Variants in INTS1 observed in about 807,000 individuals in gnomAD.
INTS1 encodes the protein integrator complex subunit 1.
Under a neutral mutation model 241.6 loss-of-function variants are expected in INTS1, and 137 were observed. The observed-to-expected ratio is 0.57, with a 90% CI of 0.49 to 0.65. The LOEUF (loss-of-function observed/expected upper bound fraction) is 0.65. INTS1 is among the 30% of genes least tolerant of loss of function. The probability of loss-of-function intolerance (pLI) is 0.00; values close to 1 mark genes in which losing one functional copy is unlikely to be tolerated. For synonymous variants in INTS1, 1,692 were observed against 1,337.8 expected (o/e 1.26, Z -5.78); for missense variants, 3,073 against 3,032.2 (o/e 1.01, Z -0.32).
At position 1,479,636 on chromosome 7, in the gene INTS1, G is replaced by C. The variant is rs1412274847; in HGVS notation, c.4123C>G (p.Pro1375Ala). ...GCCTGCTGCAGGGCGAGGGCCACGG[G>C]GCGGGGACTGGAGCTCTGCCACCGA... ...DPRWQSSSPR[P>A]VALALQQALG... The change falls in exon 31 of 48, where the codon CCC becomes GCC. Residue 1375 changes from proline to alanine, a missense_variant. Pro to Ala is a conservative substitution (Grantham distance 27). Transcript: ENST00000404767. The C allele has an allele frequency of 6.6e-7, 1 of 1,510,900 alleles. No individual in the cohort carries two copies. Among genetic ancestry groups the C allele is most frequent in the Admixed American group, 2.2e-5 (1 of 46,416 alleles). The allele number at this position is 1,510,900 out of a possible 1,614,324, so 93.6% of individuals were successfully genotyped here.
intron 16 of INTS1, among the ~76,000 whole-genome samples, chr7:1,492,207 G>A (rs1415062470): frequency 6.6e-6 from 1 of 152,226 alleles, no homozygotes; most frequent in African/African-American, 2.4e-5. Context: ...CCGTCAGCAG[G>A]GGAGCGGAAG....
At chr7:1,474,447 G>A in intron 40 of INTS1, 87 bp from the exon 41 acceptor site, 1 of 1,386,024 alleles carries the variant, frequency 7.2e-7, no homozygotes, top group Non-Finnish European at 9.5e-7. Flanking sequence ...CCTGCCCCGG[G>A]AGCCAGACCC....
intron 38 of INTS1, 55 bp from the exon 39 acceptor site, chr7:1,476,126 G>A (rs1402787245): frequency 2.8e-5 from 43 of 1,527,060 alleles, no homozygotes; most frequent in Non-Finnish European, 3.7e-5. Context: ...TGACAGGGGT[G>A]GGTGGACGGG....
rs775659788 is a variant in INTS1, at chr7:1,482,598, G to A, written c.3651C>T (p.Asp1217=). 2 of 1,612,764 alleles carry A rather than the reference G, an allele frequency of 1.2e-6. No individual in the cohort carries two copies. Among genetic ancestry groups the A allele is most frequent in the African/African-American group, 1.3e-5 (1 of 74,958 alleles). The stretch of plus-strand genomic sequence containing the variant: ...AACGGATCATGCGCAGCTTCAGCCA[G>A]TCAGGAAGCAGCAGCGCCTCCTCCG... ...DTSEEALLLP[D]WLKLRMIRSE... Residue 1217 remains aspartate, a synonymous_variant, in exon 27 of 48, where the codon GAC becomes GAT. Coordinates refer to ENST00000404767, the MANE Select transcript of INTS1 (RefSeq NM_001080453.3).
intron 43 of INTS1, 148 bp from the exon 44 acceptor site, chr7:1,472,534 A>G (rs550948094): frequency 6.7e-6 from 4 of 595,886 alleles, no homozygotes; most frequent in Non-Finnish European, 1.2e-5. Context: ...AATGGGGTGG[A>G]GCCAGGAGCC....
rs1562481789 is a variant in INTS1 at position 1,471,226 on chromosome 7, T to C, written c.6256-2A>G. The C allele has an allele frequency of 6.4e-7, 1 of 1,573,866 alleles. No individual in the cohort carries two copies. Among genetic ancestry groups the C allele is most frequent in the Non-Finnish European group, 8.6e-7 (1 of 1,161,014 alleles). On this transcript the variant is annotated splice_acceptor_variant, in intron 45 of 47. Coordinates refer to ENST00000404767, the MANE Select transcript of INTS1 (RefSeq NM_001080453.3). LOFTEE classifies it high-confidence loss of function. ...GCTCATCAGCCGCTGCAGGTTGGTC[T>C]GACCGGGGGAAAGGTGGGAGGTGTG...
chr7:1,502,837 C>G, intron 3 of INTS1, 64 bp downstream of exon 3: 3 of 1,577,338 alleles, frequency 1.9e-6, no homozygotes, highest in Non-Finnish European at 1.7e-6. Context: ...GGGGCCTTCC[C>G]TGAACACCTG....
At chr7:1,483,560 G>A (rs1480683514) in intron 26 of INTS1, 182 bp downstream of exon 26, 4 of 644,080 alleles carry the variant, frequency 6.2e-6, no homozygotes, top group Non-Finnish European at 1.1e-5. Context: ...TCCACCAAGT[G>A]CTCAGAGACA....
At chr7:1,501,430 A>G (rs985697251) in intron 3 of INTS1, among the ~76,000 whole-genome samples, 80 of 152,226 alleles carry the variant, frequency 5.3e-4, no homozygotes, top group African/African-American at 1.9e-3. Context: ...AAGCTGGGGG[A>G]CAAGTGGGCT....
In INTS1 at chr7:1,485,156, A is replaced by T. The variant is rs1191713645; in HGVS notation, c.3203T>A (p.Ile1068Asn). Residue 1068 changes from isoleucine to asparagine, a missense_variant, in exon 24 of 48, where the codon ATC becomes AAC. Physicochemically the swap from Ile to Asn is moderately radical, Grantham distance 149. Coordinates refer to ENST00000404767, the MANE Select transcript of INTS1 (RefSeq NM_001080453.3). ...TDPQTISAYL[I>N]YLSQHTPVEE... Reference sequence around the variant, plus strand: ...CACAGGCGTGTGCTGGGACAAGTAGATCAGGTAGGCGCTGATGGTCTGGGG... The same window carrying T: ...CACAGGCGTGTGCTGGGACAAGTAGTTCAGGTAGGCGCTGATGGTCTGGGG... 6.2e-7 allele frequency: 1 copy of T among 1,601,012 alleles called. No homozygotes were observed. Among genetic ancestry groups the T allele is most frequent in the South Asian group, 1.1e-5 (1 of 91,064 alleles).
chr7:1,489,398 G>A lies in INTS1; in HGVS notation c.2264C>T (p.Ala755Val). ...CAGGGTCGGGTACTCCTCCCACGCA[G>A]CCAGGCCTAGGGAACCGGAGGGTGT... ...AAFNPENIGLAAWEEYPTLKM... is the reference protein window; with the variant it reads ...AAFNPENIGLVAWEEYPTLKM... Residue 755 changes from alanine to valine, a missense_variant, in exon 18 of 48, where the codon GCT becomes GTT. Coordinates refer to ENST00000404767, the MANE Select transcript of INTS1 (RefSeq NM_001080453.3). 1.2e-6 allele frequency: 2 copies of A among 1,607,880 alleles called. No individual in the cohort carries two copies. The highest frequency in any genetic ancestry group is 1.3e-5 in the African/African-American group (1 of 74,992).
At chr7:1,474,988 G>A (rs974857022) in intron 39 of INTS1, 150 bp from the exon 40 acceptor site, 72 of 1,036,204 alleles carry the variant, frequency 6.9e-5, no homozygotes, top group Admixed American at 2.0e-4. Context: ...TGAGCACCTC[G>A]GGAGGGCAGG....
intron 31 of INTS1, 65 bp downstream of exon 31, chr7:1,479,365 G>A (rs1781883219): frequency 2.0e-6 from 3 of 1,509,818 alleles, no homozygotes; most frequent in East Asian, 5.0e-5. Flanking sequence ...GGACACCCGG[G>A]CCGTCCTGCG....
rs1181648774 is a variant in INTS1 at position 1,476,641 on chromosome 7, A to G, written c.5080T>C (p.Ser1694Pro). The change falls in exon 37 of 48, where the codon TCT becomes CCT. Residue 1694 changes from serine to proline, a missense_variant. Ser to Pro is a moderately conservative substitution (Grantham distance 74). Transcript: ENST00000404767. ...SREQRFDPSA[S>P]LDFLWACIHV... Reference sequence around the variant, plus strand: ...ATGCAGGCCCAGAGGAAGTCCAGAGAGGCAGAGGGGTCGAACCTGTGGGGA... The same window carrying G: ...ATGCAGGCCCAGAGGAAGTCCAGAGGGGCAGAGGGGTCGAACCTGTGGGGA... 22 of 1,612,560 alleles carry G rather than the reference A, an allele frequency of 1.4e-5. No individual in the cohort carries two copies. The highest frequency in any genetic ancestry group is 1.9e-5 in the Non-Finnish European group (22 of 1,179,890).
chr7:1,500,058 T>C, intron 4 of INTS1, 37 bp from the exon 5 acceptor site: 1 of 1,548,624 alleles, frequency 6.5e-7, no homozygotes, highest in Non-Finnish European at 8.8e-7. Flanking sequence ...GGAGCTTCGC[T>C]GGCCCCAGAG....
At chr7:1,489,274 A>G (rs1782430650) in intron 18 of INTS1, 70 bp downstream of exon 18, 3 of 1,421,798 alleles carry the variant, frequency 2.1e-6, no homozygotes, top group South Asian at 1.3e-5. Flanking sequence ...AGCAGGGAAC[A>G]CAGCCCCAGC....
At chr7:1,494,167 C>T (rs1158282887) in intron 14 of INTS1, among the ~76,000 whole-genome samples, 1 of 152,232 alleles carries the variant, frequency 6.6e-6, no homozygotes, top group Non-Finnish European at 1.5e-5. Flanking sequence ...CACACAGTCA[C>T]TGGTTCCTAC....
chr7:1,476,928 G>A lies in INTS1; in HGVS notation c.4939-10C>T. ...GGGCCTGACCTTTGCCCTGGGGAGG[G>A]AGGAAGAAGCCCGGATGGCCTCACC... On this transcript the variant is annotated splice_polypyrimidine_tract_variant and intron_variant, in intron 35 of 47. Coordinates refer to ENST00000404767, the MANE Select transcript of INTS1 (RefSeq NM_001080453.3). 2 of 1,607,672 alleles carry A rather than the reference G, an allele frequency of 1.2e-6. No homozygotes were observed. The highest frequency in any genetic ancestry group is 1.7e-6 in the Non-Finnish European group (2 of 1,178,700).
intron 16 of INTS1, 27 bp from the exon 17 acceptor site, chr7:1,489,709 G>A (rs1342919968): frequency 1.4e-6 from 2 of 1,440,846 alleles, no homozygotes; most frequent in South Asian, 2.7e-5. Context: ...CCCCGACTCA[G>A]GCCCAGCGCA....
Sources: gnomAD v4.1 joint callset for allele counts (sites outside exome capture counted in the v4.1 genomes callset) on GRCh38, gnomAD v4.1.1 for gene constraint, MANE v1.5 for transcripts, NCBI Gene and HGNC (gene_info 2026-07-23, HGNC 2026-07-21) for gene names.